The following TAS1R2 variants were observed in gnomAD, a reference collection of about 807,000 sequenced individuals.
The protein encoded by TAS1R2 is taste receptor type 1 member 2.
In TAS1R2, 47 loss-of-function variants were observed where a neutral mutation model predicts 49.3. That is an observed-to-expected ratio of 0.95 (90% CI 0.75 to 1.22). The LOEUF is 1.22. TAS1R2 is among the 50% of genes most tolerant of loss of function. The pLI, the probability that TAS1R2 is intolerant of heterozygous loss-of-function variation, is 0.00. For synonymous variants in TAS1R2, 479 were observed against 467.9 expected, an observed-to-expected ratio of 1.02 and a Z score of -0.31; for missense variants, 1,155 against 1,122.1, an observed-to-expected ratio of 1.03 and a Z score of -0.42.
At chr1:18,855,085 T>G in intron 2 of TAS1R2, 99 bp from the exon 3 acceptor site, 1 of 1,457,490 alleles carries the variant, frequency 6.9e-7, no homozygotes, top group Non-Finnish European at 9.3e-7. Flanking sequence ...AAGCACCTAG[T>G]GCAAGCCACC....
chr1:18,841,838 C>CAAT (rs1335790474), exon 5 of TAS1R2: 1 of 1,611,054 alleles, frequency 6.2e-7, no homozygotes, highest in Non-Finnish European at 8.5e-7. Context: ...TCTTGGAACA[C>CAAT]ATGGACATAG....
chr1:18,853,519 T>C (rs4920567), intron 3 of TAS1R2, among the ~76,000 whole-genome samples: 18,750 of 152,178 alleles, frequency 0.12, 1,615 homozygotes, highest in Non-Finnish European at 0.18. Flanking sequence ...AACAGTTATT[T>C]GAGGATGGGA....
intron 4 of TAS1R2, among the ~76,000 whole-genome samples, chr1:18,842,200 G>C (rs926336463): frequency 6.6e-6 from 1 of 152,088 alleles, no homozygotes; most frequent in African/African-American, 2.4e-5. Flanking sequence ...TCTTACCTAA[G>C]GGGGTGGGGT....
At chr1:18,859,645 T>G (rs1249239397) in exon 1 of TAS1R2, 1 of 1,614,198 alleles carries the variant, frequency 6.2e-7, no homozygotes, top group Admixed American at 1.7e-5. Flanking sequence ...GAGATGGTCT[T>G]TGCCCTGGGC....
intron 4 of TAS1R2, among the ~76,000 whole-genome samples, chr1:18,849,041 G>A (rs1933972802): frequency 6.6e-6 from 1 of 152,174 alleles, no homozygotes; most frequent in African/African-American, 2.4e-5. Flanking sequence ...CACTGCCCCA[G>A]GGTTGATGTG....
At chr1:18,843,054 GA>G (rs1320822022) in intron 4 of TAS1R2, among the ~76,000 whole-genome samples, 3 of 152,172 alleles carry the variant, frequency 2.0e-5, no homozygotes, top group African/African-American at 7.2e-5. Flanking sequence ...TATTTAAAAA[GA>G]AGAAAGATGT....
chr1:18,844,880 T>C (rs796152802), intron 4 of TAS1R2, among the ~76,000 whole-genome samples: 146 of 152,324 alleles, frequency 9.6e-4, no homozygotes, highest in African/African-American at 3.5e-3. Flanking sequence ...GCTACAGATA[T>C]GAACCCAACA....
intron 1 of TAS1R2, 75 bp downstream of exon 1, chr1:18,859,404 C>T: frequency 6.4e-7 from 1 of 1,563,352 alleles, no homozygotes; most frequent in African/African-American, 1.3e-5. Flanking sequence ...GTCTGGCTCC[C>T]AAGGACCCAC....
intron 4 of TAS1R2, among the ~76,000 whole-genome samples, chr1:18,843,984 T>C (rs1340445410): frequency 1.3e-5 from 2 of 152,190 alleles, no homozygotes; most frequent in African/African-American, 2.4e-5. Flanking sequence ...CCTCAAATCA[T>C]ACCTAAGACC....
At chr1:18,855,315 G>A (rs1029951849) in intron 2 of TAS1R2, among the ~76,000 whole-genome samples, 3 of 152,138 alleles carry the variant, frequency 2.0e-5, no homozygotes, top group Admixed American at 2.0e-4. Context: ...CACATCCTGG[G>A]CTAGGTGAAT....
chr1:18,841,280 C>A (rs568885716), intron 5 of TAS1R2, among the ~76,000 whole-genome samples: 31 of 152,228 alleles, frequency 2.0e-4, no homozygotes, highest in Non-Finnish European at 3.7e-4. Flanking sequence ...ACCCACTGAG[C>A]AACTATGCTA....
intron 4 of TAS1R2, among the ~76,000 whole-genome samples, chr1:18,848,544 C>A (rs57245419): frequency 2.1e-5 from 3 of 143,976 alleles, no homozygotes; most frequent in Non-Finnish European, 3.0e-5. Context: ...CAGTACCAGT[C>A]TGTGGCCTGT....
At position 18,841,662 on chromosome 1, in the gene TAS1R2, G is replaced by C. The variant is rs1025989362; in HGVS notation, c.1591+67C>G. ...ACCCTGCCAAGGAGGACAAGCCCTAGAGACTCCAGGGGCAGGGCAGGGGCA... is the reference window on the plus strand; with the variant it reads ...ACCCTGCCAAGGAGGACAAGCCCTACAGACTCCAGGGGCAGGGCAGGGGCA... On this transcript the variant is annotated intron_variant, in intron 5 of 5. Transcript: ENST00000375371. The C allele has an allele frequency of 4.7e-5, 73 of 1,569,834 alleles. No homozygotes were observed. The Middle Eastern group carries it at 8.5e-4, about 18-fold the overall frequency.
At chr1:18,843,381 G>A (rs1185664496) in intron 4 of TAS1R2, among the ~76,000 whole-genome samples, 1 of 152,196 alleles carries the variant, frequency 6.6e-6, no homozygotes, top group Non-Finnish European at 1.5e-5. Flanking sequence ...CAAAGGTACA[G>A]AGAATGCCAG....
At position 18,859,621 on chromosome 1, in the gene TAS1R2, G is replaced by A. The variant is rs139685223; in HGVS notation, c.40C>T (p.Leu14Phe). ...GCCGGCTCAGCCAGGACCCATAGGA[G>A]GAAGAACAGGGAGGAGATGGTCTTT... The change falls in exon 1 of 6, where the codon CTC becomes TTC. Residue 14 changes from leucine (L) to phenylalanine (F), a missense_variant. Physicochemically the swap from Leu to Phe is conservative, Grantham distance 22. Transcript: ENST00000375371. The A allele has an allele frequency of 1.9e-6, 3 of 1,614,246 alleles. No homozygotes were observed. In the South Asian group the frequency reaches 3.3e-5, roughly 18 times the overall value.
intron 3 of TAS1R2, among the ~76,000 whole-genome samples, chr1:18,851,377 G>C (rs4920563): frequency 0.18 from 27,590 of 152,062 alleles, 2,842 homozygotes; most frequent in East Asian, 0.41. Flanking sequence ...GCCCAGGCTG[G>C]AGTGCAGAGG....
intron 4 of TAS1R2, among the ~76,000 whole-genome samples, chr1:18,846,269 G>A (rs1933918877): frequency 6.6e-6 from 1 of 152,214 alleles, no homozygotes; most frequent in African/African-American, 2.4e-5. Flanking sequence ...CCAGGTGATG[G>A]GAGCTAGTGG....
At chr1:18,856,327 T>C (rs762246451) in intron 2 of TAS1R2, among the ~76,000 whole-genome samples, 1 of 152,058 alleles carries the variant, frequency 6.6e-6, no homozygotes, top group Non-Finnish European at 1.5e-5. Flanking sequence ...CTCCCTCAAG[T>C]CTTCGCCCAA....
intron 3 of TAS1R2, among the ~76,000 whole-genome samples, chr1:18,852,024 T>TC (rs752144089): frequency 1.3e-5 from 2 of 152,236 alleles, no homozygotes; most frequent in Non-Finnish European, 2.9e-5. Flanking sequence ...AAGTGCCCAT[T>TC]CATTCATCCA....
Sources: gnomAD v4.1 joint callset for allele counts (sites outside exome capture counted in the v4.1 genomes callset) on GRCh38, gnomAD v4.1.1 for gene constraint, MANE v1.5 for transcripts, NCBI Gene and HGNC (gene_info 2026-07-23, HGNC 2026-07-21) for gene names.